Variants in PDE1A observed in about 807,000 individuals in gnomAD.
PDE1A encodes dual specificity calcium/calmodulin-dependent 3',5'-cyclic nucleotide phosphodiesterase 1A.
In PDE1A, 35 loss-of-function variants were observed where a neutral mutation model predicts 61.7. The ratio of observed to expected loss-of-function variants is 0.57; its 90% confidence interval spans 0.43 to 0.75. The LOEUF (loss-of-function observed/expected upper bound fraction) is 0.75, where lower values mean the gene tolerates loss of function less well. PDE1A is among the 30% of genes least tolerant of loss of function. PDE1A has a pLI of 0.00. For synonymous variants in PDE1A, 232 were observed against 213.2 expected (o/e 1.09, Z -0.77); for missense variants, 597 against 630.6 (o/e 0.95, Z 0.57).
intron 2 of PDE1A, among the ~76,000 whole-genome samples, chr2:182,437,619 A>G (rs1684520376): frequency 1.3e-5 from 2 of 151,884 alleles, no homozygotes; most frequent in Non-Finnish European, 2.9e-5. Flanking sequence ...TAGTATCCTA[A>G]TTTTAGAGAT....
chr2:182,317,940 G>C (rs1431937480), intron 1 of PDE1A, among the ~76,000 whole-genome samples: 1 of 152,084 alleles, frequency 6.6e-6, no homozygotes, highest in Non-Finnish European at 1.5e-5. Context: ...CTTAATGCAT[G>C]GATATGATTA....
the PDE1A span, among the ~76,000 whole-genome samples, chr2:182,575,958 T>C: frequency 1.7e-4 from 25 of 147,360 alleles, no homozygotes; most frequent in South Asian, 2.7e-3. Context: ...TTATAATATA[T>C]ATTATTAATA....
At chr2:182,228,782 A>C (rs1167600083) in intron 6 of PDE1A, among the ~76,000 whole-genome samples, 1 of 152,180 alleles carries the variant, frequency 6.6e-6, no homozygotes, top group African/African-American at 2.4e-5. Context: ...GGAAAACACT[A>C]AAGGTCTACC....
chr2:182,161,348 G>C (rs1354432617), intron 13 of PDE1A, among the ~76,000 whole-genome samples: 1 of 151,648 alleles, frequency 6.6e-6, no homozygotes, highest in African/African-American at 2.4e-5. Context: ...GACGTTGGTT[G>C]GGGAAAAAAA....
At chr2:182,163,674 C>T (rs1459408265), downstream of PDE1A, among the ~76,000 whole-genome samples, 2 of 152,118 alleles carry the variant, frequency 1.3e-5, no homozygotes, top group Admixed American at 1.3e-4. Flanking sequence ...GAGAAAGAAG[C>T]ACAATTCCTA....
At chr2:182,554,412 G>A in the PDE1A span, among the ~76,000 whole-genome samples, 104 of 152,158 alleles carry the variant, frequency 6.8e-4, no homozygotes, top group East Asian at 0.016. Flanking sequence ...TACTTCACTT[G>A]GTTCACCATC....
intron 1 of PDE1A, among the ~76,000 whole-genome samples, chr2:182,312,605 T>C (rs1005705046): frequency 2.6e-5 from 4 of 152,164 alleles, no homozygotes; most frequent in South Asian, 2.1e-4. Flanking sequence ...GTGTAAAAAA[T>C]AGATTGTCCA....
chr2:182,214,238 C>T lies in PDE1A; in HGVS notation c.777-8173G>A, dbSNP rs905003583. Among the ~76,000 whole-genome samples the T allele has an allele frequency of 2.4e-3, 364 of 151,708 alleles. 4 individuals are homozygous for T. Among genetic ancestry groups the T allele is most frequent in the African/African-American group, 8.5e-3 (352 of 41,276 alleles). ...CTGAGAGATTTTGTCACCACCAGGC[C>T]TGCCCTAAAAGAGCTCCTGAAGGAA... On this transcript the variant is annotated intron_variant, in intron 7 of 13. Transcript: ENST00000351439.
At chr2:182,475,540 T>G (rs1687300561) in intron 2 of PDE1A, among the ~76,000 whole-genome samples, 1 of 151,970 alleles carries the variant, frequency 6.6e-6, no homozygotes, top group Non-Finnish European at 1.5e-5. Flanking sequence ...TCATTATTAC[T>G]TTAATAGTTT....
Position 182,186,694 on chromosome 2 carries a change from A to T in PDE1A, c.1208-106T>A, listed in dbSNP as rs7597711. The T allele has an allele frequency of 1.2e-3, 1,315 of 1,097,350 alleles. 22 individuals carry two copies. The South Asian group carries it at 0.017, about 14-fold the overall frequency. 68.0% of individuals were successfully genotyped at this position (1,097,350 alleles called of 1,614,324 possible). On this transcript the variant is annotated intron_variant, in intron 11 of 13. Transcript: ENST00000351439. ...GAGCTTCTGACAATCCTGGGATAGC[A>T]AGAATCAACTAAAATATTGGTTCTG...
intron 1 of PDE1A, among the ~76,000 whole-genome samples, chr2:182,344,698 CTTGT>C (rs1439557787): frequency 6.6e-6 from 1 of 151,402 alleles, no homozygotes; most frequent in African/African-American, 2.4e-5. Context: ...GTTTGTTTTG[CTTGT>C]TTTTCTTCTT....
chr2:182,700,724 A>AAAAAAAAAAAAAAAC, the PDE1A span, among the ~76,000 whole-genome samples: 1 of 142,230 alleles, frequency 7.0e-6, no homozygotes, highest in Non-Finnish European at 1.5e-5. Flanking sequence ...TCCATCTCAA[A>AAAAAAAAAAAAAAAC]AAAAAAAAAA....
intron 1 of PDE1A, among the ~76,000 whole-genome samples, chr2:182,377,224 C>G (rs1285750990): frequency 6.6e-6 from 1 of 152,174 alleles, no homozygotes; most frequent in Non-Finnish European, 1.5e-5. Flanking sequence ...GGGTGGCTCC[C>G]TCCTGGCTTG....
intron 1 of PDE1A, among the ~76,000 whole-genome samples, chr2:182,373,388 A>G (rs767676438): frequency 2.4e-4 from 36 of 152,220 alleles, no homozygotes; most frequent in Non-Finnish European, 4.4e-4. Flanking sequence ...CAACAGTGTA[A>G]ATTACTTCTT....
At chr2:182,311,328 A>G (rs930701522) in intron 1 of PDE1A, among the ~76,000 whole-genome samples, 1 of 152,208 alleles carries the variant, frequency 6.6e-6, no homozygotes, top group Non-Finnish European at 1.5e-5. Context: ...TCATGTGCAT[A>G]AATATATTTT....
At chr2:182,168,453 A>C (rs1308630426) in intron 13 of PDE1A, among the ~76,000 whole-genome samples, 1 of 152,122 alleles carries the variant, frequency 6.6e-6, no homozygotes, top group Non-Finnish European at 1.5e-5. Flanking sequence ...TTAATTTTTA[A>C]TATACTTTGC....
intron 2 of PDE1A, among the ~76,000 whole-genome samples, chr2:182,455,146 A>G (rs975555216): frequency 6.6e-6 from 1 of 152,078 alleles, no homozygotes; most frequent in Non-Finnish European, 1.5e-5. Context: ...GCCAAAAAAC[A>G]CATGAAAAAA....
At chr2:182,274,095 G>C (rs764349187) in intron 1 of PDE1A, among the ~76,000 whole-genome samples, 13 of 151,972 alleles carry the variant, frequency 8.6e-5, no homozygotes, top group African/African-American at 3.1e-4. Context: ...GCCCTCTGGG[G>C]TGTCTTTTAT....
intron 4 of PDE1A, among the ~76,000 whole-genome samples, chr2:182,231,572 A>ATT (rs1198729949): frequency 8.8e-6 from 1 of 113,330 alleles, no homozygotes; most frequent in Non-Finnish European, 1.8e-5. Flanking sequence ...AAATTTCACC[A>ATT]TAAGAGTTTG....
Sources: gnomAD v4.1 joint callset for allele counts (sites outside exome capture counted in the v4.1 genomes callset) on GRCh38, gnomAD v4.1.1 for gene constraint, MANE v1.5 for transcripts, NCBI Gene and HGNC (gene_info 2026-07-23, HGNC 2026-07-21) for gene names.